The following RPRD1A variants were observed in gnomAD, a reference collection of about 807,000 sequenced individuals.
RPRD1A encodes regulation of nuclear pre-mRNA domain-containing protein 1A.
A neutral mutation model predicts 37.8 loss-of-function variants in RPRD1A; 9 were observed. That is an observed-to-expected ratio of 0.24 (90% CI 0.14 to 0.42). The LOEUF is 0.42. RPRD1A is among the 10% of genes least tolerant of loss of function. The pLI, the probability that RPRD1A is intolerant of heterozygous loss-of-function variation, is 1.00. For synonymous variants in RPRD1A, 138 were observed against 139.7 expected (o/e 0.99, Z 0.08); for missense variants, 255 against 371.0 (o/e 0.69, Z 2.57).
intron 1 of RPRD1A, among the ~76,000 whole-genome samples, chr18:36,050,755 G>A (rs1033603945): frequency 4.0e-5 from 6 of 150,310 alleles, no homozygotes; most frequent in African/African-American, 7.4e-5. Context: ...ATGCTGCCCA[G>A]GCTGGTCTCA....
intron 1 of RPRD1A, among the ~76,000 whole-genome samples, chr18:36,058,037 A>T (rs1913914832): frequency 6.6e-6 from 1 of 152,308 alleles, no homozygotes; most frequent in South Asian, 2.1e-4. Context: ...AAGAAACCTA[A>T]TAGAAGAAAC....
At position 35,992,920 on chromosome 18, in the gene RPRD1A, T is replaced by C. The variant is rs1908795520; in HGVS notation, c.*231A>G. 2.4e-5 allele frequency: 9 copies of C among 374,808 alleles called. No individual in the cohort carries two copies. In the East Asian group the frequency reaches 3.6e-4, roughly 15 times the overall value. The allele number at this position is 374,808 out of a possible 1,614,324, so 23.2% of individuals were successfully genotyped here. A position where few individuals can be genotyped will look rare whatever the true frequency, so the allele number is the denominator to read the frequency against. On this transcript the variant is annotated 3_prime_UTR_variant, in exon 7 of 7. Transcript: ENST00000399022. ...AAAGATCTTTTGAAAATAATCACTA[T>C]TTGTGAGCTTATTAATACACACAAA...
At chr18:36,047,363 A>G (rs1305180804) in intron 1 of RPRD1A, among the ~76,000 whole-genome samples, 6 of 152,158 alleles carry the variant, frequency 3.9e-5, no homozygotes, top group Non-Finnish European at 7.3e-5. Context: ...AAAGGTACAC[A>G]TGAAAAAAGA....
intron 6 of RPRD1A, among the ~76,000 whole-genome samples, chr18:36,001,775 C>A (rs1909432709): frequency 6.6e-6 from 1 of 152,126 alleles, no homozygotes; most frequent in African/African-American, 2.4e-5. Context: ...GCTTATGTAC[C>A]GAATATAGTT....
intron 6 of RPRD1A, among the ~76,000 whole-genome samples, chr18:36,004,771 C>T (rs548230416): frequency 1.7e-4 from 26 of 152,138 alleles, no homozygotes; most frequent in Non-Finnish European, 3.4e-4. Flanking sequence ...GGCGCGGTGG[C>T]ACACACTTGT....
chr18:36,025,729 G>C, intron 6 of RPRD1A: 1 of 985,886 alleles, frequency 1.0e-6, no homozygotes, highest in Non-Finnish European at 1.4e-6. Context: ...AAAGACTAAA[G>C]ACAAAAATTG....
intron 6 of RPRD1A, among the ~76,000 whole-genome samples, chr18:36,016,128 A>T (rs1910552703): frequency 1.3e-5 from 2 of 152,242 alleles, no homozygotes. Context: ...TTATTACCAA[A>T]CTGTCCTCCA....
chr18:35,993,047 A>G lies in RPRD1A; in HGVS notation c.*104T>C. The G allele has an allele frequency of 1.1e-6, 1 of 935,426 alleles. No individual in the cohort carries two copies. The highest frequency in any genetic ancestry group is 2.8e-5 in the East Asian group (1 of 35,912). The allele number at this position is 935,426 out of a possible 1,614,324, so 57.9% of individuals were successfully genotyped here. On this transcript the variant is annotated 3_prime_UTR_variant, in exon 7 of 7. Transcript: ENST00000399022. ...TAAATTACTCGTTGTTCCTTTTGTT[A>G]GTGTTTCTTTCTCAACAATATACAA...
chr18:36,020,845 C>G (rs1723548283), intron 6 of RPRD1A, among the ~76,000 whole-genome samples: 1 of 151,186 alleles, frequency 6.6e-6, no homozygotes. Flanking sequence ...GAGAACAGAG[C>G]AGTTAAATAA....
chr18:35,993,115 T>C lies in RPRD1A; in HGVS notation c.*36A>G. 6.3e-7 allele frequency: 1 copy of C among 1,592,862 alleles called. No individual in the cohort carries two copies. Among genetic ancestry groups the C allele is most frequent in the Non-Finnish European group, 8.6e-7 (1 of 1,168,452 alleles). On this transcript the variant is annotated 3_prime_UTR_variant, in exon 7 of 7. Coordinates refer to ENST00000399022, the MANE Select transcript of RPRD1A (RefSeq NM_018170.5). ...TATCCACCTAACCTGTCTCCATCTC[T>C]TGCAAAGTCCTGGGACCTGGAAAGA... is the stretch of plus-strand genomic sequence containing the variant.
chr18:36,060,643 C>T (rs1476188842), intron 1 of RPRD1A, among the ~76,000 whole-genome samples: 1 of 152,198 alleles, frequency 6.6e-6, no homozygotes, highest in East Asian at 1.9e-4. Flanking sequence ...AGGTAAACAA[C>T]CTGAAGGAGC....
intron 1 of RPRD1A, among the ~76,000 whole-genome samples, chr18:36,054,537 G>T (rs1372141801): frequency 1.3e-5 from 2 of 152,138 alleles, no homozygotes; most frequent in East Asian, 3.8e-4. Flanking sequence ...AAATCTAGAT[G>T]AAGTGCTCAG....
intron 6 of RPRD1A, among the ~76,000 whole-genome samples, chr18:36,011,454 C>A (rs1282709294): frequency 6.6e-6 from 1 of 151,880 alleles, no homozygotes; most frequent in Non-Finnish European, 1.5e-5. Context: ...TTATTTTTTT[C>A]TATAATTAAA....
chr18:36,054,353 T>G (rs1464037473), intron 1 of RPRD1A, among the ~76,000 whole-genome samples: 1 of 151,850 alleles, frequency 6.6e-6, no homozygotes, highest in Non-Finnish European at 1.5e-5. Flanking sequence ...ATTAGCCAGA[T>G]GTGGTGGCGG....
At chr18:36,062,639 T>A (rs1360295256) in intron 1 of RPRD1A, among the ~76,000 whole-genome samples, 4 of 152,182 alleles carry the variant, frequency 2.6e-5, no homozygotes, top group Non-Finnish European at 2.9e-5. Context: ...CTTCTTTTAA[T>A]TAACATGTTT....
chr18:36,061,140 C>A (rs944357583), intron 1 of RPRD1A, among the ~76,000 whole-genome samples: 10 of 152,128 alleles, frequency 6.6e-5, no homozygotes, highest in Non-Finnish European at 1.5e-4. Flanking sequence ...TTTTATTAAA[C>A]GTCACCTTGC....
chr18:36,054,991 C>G (rs1272199497), intron 1 of RPRD1A, among the ~76,000 whole-genome samples: 1 of 152,204 alleles, frequency 6.6e-6, no homozygotes, highest in Non-Finnish European at 1.5e-5. Flanking sequence ...GGGAGGGCAT[C>G]TGTTTTTCTC....
chr18:36,021,865 G>A (rs1911019183), intron 6 of RPRD1A, among the ~76,000 whole-genome samples: 2 of 152,100 alleles, frequency 1.3e-5, no homozygotes, highest in Non-Finnish European at 2.9e-5. Context: ...GCCAGGCATG[G>A]TATCACATGC....
chr18:36,016,474 C>T (rs1213170014), intron 6 of RPRD1A, among the ~76,000 whole-genome samples: 2 of 152,150 alleles, frequency 1.3e-5, no homozygotes, highest in Non-Finnish European at 1.5e-5. Context: ...CCGCCCGCCT[C>T]GGCTTCCCAT....
Sources: allele counts gnomAD v4.1 joint callset (sites outside exome capture counted in the v4.1 genomes callset), GRCh38; gene constraint gnomAD v4.1.1; transcripts MANE v1.5; gene names NCBI Gene and HGNC (gene_info 2026-07-23, HGNC 2026-07-21).